TDRD9: variants seen among roughly 807,000 people sequenced by gnomAD.
TDRD9 encodes ATP-dependent RNA helicase TDRD9.
Under a neutral mutation model 172.6 loss-of-function variants are expected in TDRD9, and 124 were observed. That is an observed-to-expected ratio of 0.72 (90% CI 0.62 to 0.83). The LOEUF (loss-of-function observed/expected upper bound fraction) is 0.83. Among genes scored for constraint, TDRD9 ranks in the 40% least tolerant of loss-of-function variants. TDRD9 has a pLI of 0.00. For synonymous variants in TDRD9, 619 were observed against 617.1 expected, an observed-to-expected ratio of 1.00 and a Z score of -0.05; for missense variants, 1,479 against 1,714.1, an observed-to-expected ratio of 0.86 and a Z score of 2.42.
intron 34 of TDRD9, among the ~76,000 whole-genome samples, chr14:104,043,123 A>G (rs1364176647): frequency 6.6e-6 from 1 of 152,068 alleles, no homozygotes; most frequent in Non-Finnish European, 1.5e-5. Flanking sequence ...TCCTTGGCAC[A>G]CATGATCTTC....
chr14:104,042,168 G>A lies in TDRD9; in HGVS notation c.3955G>A (p.Ala1319Thr), dbSNP rs762977135. 1.2e-6 allele frequency: 2 copies of A among 1,612,414 alleles called. No homozygotes were observed. Among genetic ancestry groups the A allele is most frequent in the South Asian group, 1.1e-5 (1 of 91,038 alleles). ...GAGAGTTGCGCAGCTTCAAGACATTGCCCGTCAGAAGCTTTTAGGGTAAGC... is the reference window on the plus strand; with the variant it reads ...GAGAGTTGCGCAGCTTCAAGACATTACCCGTCAGAAGCTTTTAGGGTAAGC... ...PERVAQLQDIARQKLLGLFCQ... is the reference protein window; with the variant it reads ...PERVAQLQDITRQKLLGLFCQ... The change falls in exon 34 of 36, where the codon GCC (alanine) becomes ACC (threonine). Residue 1319 changes from alanine (A) to threonine (T), a missense_variant. Ala to Thr is a moderately conservative substitution (Grantham distance 58). This residue lies in a region of TDRD9 where 1,413 missense variants were observed against 1,649.1 expected (regional missense o/e 0.86). Coordinates refer to ENST00000409874, the MANE Select transcript of TDRD9 (RefSeq NM_153046.3).
intron 13 of TDRD9, among the ~76,000 whole-genome samples, chr14:104,002,622 C>A (rs1165539392): frequency 2.0e-5 from 3 of 151,966 alleles, no homozygotes; most frequent in South Asian, 2.1e-4. Context: ...GGGTTATAGT[C>A]TTTTTACATA....
intron 7 of TDRD9, among the ~76,000 whole-genome samples, chr14:103,978,970 T>C (rs78004895): frequency 0.022 from 3,351 of 152,284 alleles, 66 homozygotes; most frequent in East Asian, 0.047. Flanking sequence ...ATTGTTGTTA[T>C]CTGTAGAACA....
intron 1 of TDRD9, chr14:103,941,017 C>T (rs118060694): frequency 6.5e-7 from 1 of 1,535,338 alleles, no homozygotes; most frequent in Non-Finnish European, 8.7e-7. Flanking sequence ...TCTGTCAGAG[C>T]TGCTTAGGAA....
At chr14:103,999,853 C>A (rs2034201463) in intron 13 of TDRD9, among the ~76,000 whole-genome samples, 2 of 152,104 alleles carry the variant, frequency 1.3e-5, no homozygotes, top group African/African-American at 4.8e-5. Context: ...CTTAGTGAAG[C>A]AGTTAGCTGA....
intron 11 of TDRD9, among the ~76,000 whole-genome samples, chr14:103,995,060 T>C (rs1157437219): frequency 2.0e-5 from 3 of 152,232 alleles, no homozygotes; most frequent in Non-Finnish European, 1.5e-5. Context: ...TTGTTTAGTT[T>C]TGTGTTTTAT....
At chr14:103,945,719 A>G (rs1440570291) in intron 1 of TDRD9, among the ~76,000 whole-genome samples, 1 of 152,210 alleles carries the variant, frequency 6.6e-6, no homozygotes, top group African/African-American at 2.4e-5. Flanking sequence ...TAAATTTTAT[A>G]AGACTTAAAA....
At chr14:104,034,474 G>A (rs1443162802) in intron 31 of TDRD9, among the ~76,000 whole-genome samples, 3 of 152,186 alleles carry the variant, frequency 2.0e-5, no homozygotes, top group Non-Finnish European at 4.4e-5. Flanking sequence ...ACAGGCGTGA[G>A]CCACCGCGCC....
chr14:104,034,185 TTTTTTTTC>T (rs1175862952), intron 31 of TDRD9, 116 bp downstream of exon 31: 113 of 344,140 alleles, frequency 3.3e-4, no homozygotes, highest in South Asian at 4.6e-4. Context: ...GTACTATTCT[TTTTTTTTC>T]TTTTTTTTTT....
intron 34 of TDRD9, among the ~76,000 whole-genome samples, chr14:104,047,618 G>A (rs145042724): frequency 4.6e-5 from 7 of 152,190 alleles, no homozygotes; most frequent in African/African-American, 1.2e-4. Context: ...TGCTTTGCAC[G>A]TCTGTCAGTG....
At chr14:103,932,578 G>C (rs1567194498) in intron 1 of TDRD9, among the ~76,000 whole-genome samples, 1 of 151,994 alleles carries the variant, frequency 6.6e-6, no homozygotes, top group Non-Finnish European at 1.5e-5. Context: ...TAGTAGAGAC[G>C]GGGTTTCACC....
At chr14:103,960,616 T>C (rs2032462780) in intron 2 of TDRD9, among the ~76,000 whole-genome samples, 1 of 152,256 alleles carries the variant, frequency 6.6e-6, no homozygotes, top group Admixed American at 6.5e-5. Flanking sequence ...GGAACATTTC[T>C]GCTGTTTGGT....
At chr14:103,955,846 A>C (rs1281853693) in intron 2 of TDRD9, 76 bp downstream of exon 2, 1 of 1,245,888 alleles carries the variant, frequency 8.0e-7, no homozygotes, top group Non-Finnish European at 1.1e-6. Context: ...TTCATAGTGC[A>C]TGCCTGTAAT....
chr14:104,018,274 G>A, intron 23 of TDRD9, 82 bp downstream of exon 23: 2 of 907,628 alleles, frequency 2.2e-6, no homozygotes, highest in Non-Finnish European at 3.4e-6. Flanking sequence ...TGTTAAAACG[G>A]AGTGCCCATG....
chr14:104,034,315 C>T (rs549987101), intron 31 of TDRD9, among the ~76,000 whole-genome samples: 8 of 151,282 alleles, frequency 5.3e-5, no homozygotes, highest in South Asian at 2.1e-4. Flanking sequence ...CTCAGCCTCC[C>T]GAGTAGCTGG....
intron 20 of TDRD9, among the ~76,000 whole-genome samples, chr14:104,011,605 A>G (rs1361431989): frequency 6.6e-6 from 1 of 152,174 alleles, no homozygotes; most frequent in Non-Finnish European, 1.5e-5. Flanking sequence ...TTCTGGAGTC[A>G]TTTTTGATGA....
chr14:103,949,748 C>T (rs562335546), intron 1 of TDRD9, among the ~76,000 whole-genome samples: 62 of 152,184 alleles, frequency 4.1e-4, no homozygotes, highest in Non-Finnish European at 6.0e-4. Context: ...GGCAGGATCT[C>T]GGCTCACTGC....
rs1044389443 is a variant in TDRD9, at chr14:103,974,309, C to T, written c.847-1080C>T. ...GCCGGACTGCTGTGCCCACTCCCCA[C>T]GTAGCATTATGGAGACTGCTGAGCT... On this transcript the variant is annotated intron_variant, in intron 6 of 35. Coordinates refer to ENST00000409874, the MANE Select transcript of TDRD9 (RefSeq NM_153046.3). 3.7e-4 allele frequency among the ~76,000 whole-genome samples: 56 copies of T among 152,324 alleles called. 1 individual carries two copies. Among genetic ancestry groups the T allele is most frequent in the African/African-American group, 1.3e-3 (54 of 41,572 alleles).
At chr14:103,976,085 G>A (rs777810447) in intron 7 of TDRD9, among the ~76,000 whole-genome samples, 2 of 151,684 alleles carry the variant, frequency 1.3e-5, no homozygotes, top group Non-Finnish European at 2.9e-5. Context: ...TTCTCCTTCC[G>A]TGAGATCAGC....
Sources: allele counts gnomAD v4.1 joint callset (sites outside exome capture counted in the v4.1 genomes callset), GRCh38; gene constraint gnomAD v4.1.1; regional missense constraint gnomAD v4.1.1; transcripts MANE v1.5; gene names NCBI Gene and HGNC (gene_info 2026-07-23, HGNC 2026-07-21).